The following MIOS variants were observed in gnomAD, a reference collection of about 807,000 sequenced individuals.
MIOS encodes the protein meiosis regulator for oocyte development, also known as GATOR2 complex protein MIOS.
Under a neutral mutation model 96.9 loss-of-function variants are expected in MIOS, and 52 were observed. The ratio of observed to expected loss-of-function variants is 0.54; its 90% CI spans 0.43 to 0.68. The LOEUF (loss-of-function observed/expected upper bound fraction) is 0.68, where lower values mean the gene tolerates loss of function less well. Among genes scored for constraint, MIOS ranks in the 30% least tolerant of loss-of-function variants. The pLI, the probability that MIOS is intolerant of heterozygous loss-of-function variation, is 0.00. For missense variants in MIOS, 1,005 were observed against 1,052.8 expected (o/e 0.95, Z 0.63); for synonymous variants, 397 against 359.5 (o/e 1.10, Z -1.18).
At chr7:7,582,395 A>C (rs1783759109) in intron 5 of MIOS, among the ~76,000 whole-genome samples, 1 of 152,200 alleles carries the variant, frequency 6.6e-6, no homozygotes, top group African/African-American at 2.4e-5. Context: ...ATTTGGCACT[A>C]AGTATCATCC....
At chr7:7,597,332 A>T (rs753261551) in intron 11 of MIOS, among the ~76,000 whole-genome samples, 59 of 2,966 alleles carry the variant, frequency 0.02, no homozygotes, top group Middle Eastern at 0.15. Context: ...TCCTAAATTT[A>T]AAAAAAAAAA....
chr7:7,581,798 C>T (rs542546639), intron 5 of MIOS: 1 of 152,326 alleles, frequency 6.6e-6, no homozygotes, highest in South Asian at 2.1e-4. Flanking sequence ...TCTCCTGCTG[C>T]TTCTCTCTTA....
chr7:7,602,557 G>C (rs983414363), intron 11 of MIOS, among the ~76,000 whole-genome samples: 2 of 152,102 alleles, frequency 1.3e-5, no homozygotes, highest in African/African-American at 4.8e-5. Context: ...ACAAACTACT[G>C]CTCAAGGAAA....
chr7:7,573,443 A>G lies in MIOS; in HGVS notation c.968A>G (p.Asn323Ser), dbSNP rs369681055. The change falls in exon 4 of 13, where the codon AAT (asparagine) becomes AGT (serine). Residue 323 changes from asparagine (N) to serine (S), a missense_variant. Around this residue, in one of 3 missense-constraint regions of MIOS, gnomAD observed 865 missense variants for 887.9 expected, o/e 0.97. Coordinates refer to ENST00000340080, the MANE Select transcript of MIOS (RefSeq NM_019005.4). This position sits in a 1 kb window ranked among gnomAD's most constrained non-coding sequence, Gnocchi z 5.0. Reference sequence around the variant, plus strand: ...GAAAGAAGTGTGCAACCTTGTGACAATTACATTGCTTCCTTTGCGTGGCAT... The same window carrying G: ...GAAAGAAGTGTGCAACCTTGTGACAGTTACATTGCTTCCTTTGCGTGGCAT... ...IIERSVQPCDNYIASFAWHPT... is the reference protein window; with the variant it reads ...IIERSVQPCDSYIASFAWHPT... The G allele has an allele frequency of 1.3e-5, 21 of 1,614,032 alleles. No individual in the cohort carries two copies. In the African/African-American group the frequency reaches 1.6e-4, roughly 12 times the overall value.
Position 7,593,299 on chromosome 7 carries a change from G to T in MIOS, c.2044-1681G>T, listed in dbSNP as rs559981165. Among the ~76,000 whole-genome samples, 299 of 152,162 alleles carry T rather than the reference G, an allele frequency of 2.0e-3. 3 individuals carry two copies. Among genetic ancestry groups the T allele is most frequent in the African/African-American group, 7.0e-3 (290 of 41,516 alleles). The stretch of plus-strand genomic sequence containing the variant: ...GCTATGTGTTTCACATGTTCTTTTA[G>T]CTAAATTTAACTCTGGTAATTAACA... On this transcript the variant is annotated intron_variant, in intron 9 of 12. Coordinates refer to ENST00000340080, the MANE Select transcript of MIOS (RefSeq NM_019005.4).
chr7:7,573,522 C>T lies in MIOS; in HGVS notation c.1047C>T (p.Asp349=). 6.2e-7 allele frequency: 1 copy of T among 1,614,100 alleles called. No homozygotes were observed. Among genetic ancestry groups the T allele is most frequent in the Non-Finnish European group, 8.5e-7 (1 of 1,179,962 alleles). ...IVVTPNRTMS[D]FTVFERISLA... ...TAACTCCCAACCGAACAATGTCAGA[C>T]TTCACTGTTTTTGAAAGGATATCTC... The change falls in exon 4 of 13, where the codon GAC becomes GAT. Residue 349 remains aspartate (D), a synonymous_variant. Transcript: ENST00000340080. This position sits in a 1 kb window ranked among gnomAD's most constrained non-coding sequence, Gnocchi z 5.0.
intron 11 of MIOS, among the ~76,000 whole-genome samples, chr7:7,603,222 A>C (rs1348532662): frequency 2.0e-5 from 3 of 151,778 alleles, no homozygotes; most frequent in Non-Finnish European, 4.4e-5. Context: ...AATGGGATCT[A>C]ATTAAACTAA....
rs1783437473 is a variant in MIOS at position 7,573,875 on chromosome 7, C to G, written c.1294+106C>G. 1.8e-6 allele frequency: 2 copies of G among 1,123,886 alleles called. No homozygotes were observed. The highest frequency in any genetic ancestry group is 3.1e-5 in the South Asian group (2 of 63,626). 69.6% of individuals were successfully genotyped at this position (1,123,886 alleles called of 1,614,324 possible). A position where few individuals can be genotyped will look rare whatever the true frequency, so the allele number is the denominator to read the frequency against. Reference sequence around the variant, plus strand: ...ATGCTCAATGTTTTATATACAAATACAAGTTACATAATACTAACATTATAA... The same window carrying G: ...ATGCTCAATGTTTTATATACAAATAGAAGTTACATAATACTAACATTATAA... On this transcript the variant is annotated intron_variant, in intron 4 of 12. Coordinates refer to ENST00000340080, the MANE Select transcript of MIOS (RefSeq NM_019005.4). The surrounding 1 kb of genome is among the most constrained non-coding windows in gnomAD (Gnocchi z 5.0).
At chr7:7,567,863 C>G (rs1783198894) in intron 2 of MIOS, among the ~76,000 whole-genome samples, 163 bp from the exon 3 acceptor site, 1 of 152,152 alleles carries the variant, frequency 6.6e-6, no homozygotes, top group Non-Finnish European at 1.5e-5. Flanking sequence ...CGTAAAAATC[C>G]TCAATAATTT....
chr7:7,595,113 G>C lies in MIOS; in HGVS notation c.2177G>C (p.Ser726Thr). The C allele has an allele frequency of 6.2e-7, 1 of 1,612,956 alleles. No homozygotes were observed. Among genetic ancestry groups the C allele is most frequent in the Non-Finnish European group, 8.5e-7 (1 of 1,179,694 alleles). The part of the protein sequence containing the change: ...FDIHRSKLDP[S>T]SKPLAQVFVS... ...ATTCACAGGAGTAAGTTGGATCCCA[G>C]TTCCAAGCCTTTAGCACAAGTAAGT... Residue 726 changes from serine to threonine, a missense_variant, in exon 10 of 13, where the codon AGT becomes ACT. Transcript: ENST00000340080.
chr7:7,572,529 T>C lies in MIOS; in HGVS notation c.54T>C (p.Phe18=), dbSNP rs369492224. ...GGGCACCACACCATGTTGATAGATT[T>C]GTTGTGTGTGACTCAGAACTAAGTC... The part of the protein sequence containing the change: ...ILWAPHHVDR[F]VVCDSELSLY... Residue 18 remains phenylalanine, a synonymous_variant, in exon 4 of 13, where the codon TTT becomes TTC. Coordinates refer to ENST00000340080, the MANE Select transcript of MIOS (RefSeq NM_019005.4). This position sits in a 1 kb window ranked among gnomAD's most constrained non-coding sequence, Gnocchi z 4.8. 1.1e-5 allele frequency: 17 copies of C among 1,613,996 alleles called. No individual in the cohort carries two copies. The highest frequency in any genetic ancestry group is 1.3e-5 in the Non-Finnish European group (15 of 1,180,000).
At chr7:7,578,902 G>T (rs1309967842) in intron 5 of MIOS, among the ~76,000 whole-genome samples, 2 of 152,028 alleles carry the variant, frequency 1.3e-5, no homozygotes, top group Admixed American at 1.3e-4. Flanking sequence ...GTAGAGACAG[G>T]GTTTTGCCAC....
chr7:7,573,883 A>G lies in MIOS; in HGVS notation c.1294+114A>G. 1.8e-6 allele frequency: 2 copies of G among 1,091,182 alleles called. No individual in the cohort carries two copies. Among genetic ancestry groups the G allele is most frequent in the Non-Finnish European group, 2.6e-6 (2 of 761,382 alleles). The allele number at this position is 1,091,182 out of a possible 1,614,324, so 67.6% of individuals were successfully genotyped here. On this transcript the variant is annotated intron_variant, in intron 4 of 12. Coordinates refer to ENST00000340080, the MANE Select transcript of MIOS (RefSeq NM_019005.4). This position sits in a 1 kb window ranked among gnomAD's most constrained non-coding sequence, Gnocchi z 5.0. ...TGTTTTATATACAAATACAAGTTAC[A>G]TAATACTAACATTATAAAGTAAAAT...
chr7:7,579,364 T>C (rs1157457119), intron 5 of MIOS, among the ~76,000 whole-genome samples: 1 of 152,222 alleles, frequency 6.6e-6, no homozygotes, highest in Non-Finnish European at 1.5e-5. Context: ...CTCCTAGCAG[T>C]GACCTCTTTG....
intron 11 of MIOS, among the ~76,000 whole-genome samples, chr7:7,603,392 C>G (rs375620092): frequency 2.0e-5 from 3 of 152,130 alleles, no homozygotes; most frequent in Admixed American, 6.5e-5. Context: ...CCATCAAAAA[C>G]TGGGCAAAGG....
chr7:7,605,542 G>A (rs781290662), intron 11 of MIOS: 1 of 157,550 alleles, frequency 6.3e-6, no homozygotes, highest in Non-Finnish European at 1.4e-5. Context: ...TGGTCTGCCC[G>A]CCTCAGCCTC....
chr7:7,589,526 C>G lies in MIOS; in HGVS notation c.2006C>G (p.Thr669Ser). 1.9e-6 allele frequency: 3 copies of G among 1,612,672 alleles called. No individual in the cohort carries two copies. The highest frequency in any genetic ancestry group is 2.5e-6 in the Non-Finnish European group (3 of 1,179,132). Reference protein sequence around the residue: ...VDLMESYVDRTGDVQTASYCM... With the variant: ...VDLMESYVDRSGDVQTASYCM... Reference sequence around the variant, plus strand: ...TTAATGGAGAGTTATGTTGATAGAACTGGAGATGTTCAAACAGCAAGTTAC... The same window carrying G: ...TTAATGGAGAGTTATGTTGATAGAAGTGGAGATGTTCAAACAGCAAGTTAC... The change falls in exon 9 of 13, where the codon ACT becomes AGT. Residue 669 changes from threonine to serine, a missense_variant. Physicochemically the swap from Thr to Ser is moderately conservative, Grantham distance 58. This residue lies in a region of MIOS where 865 missense variants were observed against 887.9 expected (regional missense o/e 0.97). Coordinates refer to ENST00000340080, the MANE Select transcript of MIOS (RefSeq NM_019005.4).
At position 7,607,049 on chromosome 7, in the gene MIOS, A is replaced by G; in HGVS notation, c.2585A>G (p.Asp862Gly). ...SACTCKCMQLDTTGNLVPAET... is the reference protein window; with the variant it reads ...SACTCKCMQLGTTGNLVPAET... The stretch of plus-strand genomic sequence containing the variant: ...TGCACGTGTAAATGTATGCAGTTGG[A>G]TACAACAGGGAATCTGGTACCTGCA... Residue 862 changes from aspartate (D) to glycine (G), a missense_variant, in exon 13 of 13, where the codon GAT (aspartate) becomes GGT (glycine). Transcript: ENST00000340080. The G allele has an allele frequency of 6.2e-7, 1 of 1,613,300 alleles. No homozygotes were observed. Among genetic ancestry groups the G allele is most frequent in the Non-Finnish European group, 8.5e-7 (1 of 1,179,502 alleles).
intron 12 of MIOS, 96 bp from the exon 13 acceptor site, chr7:7,606,900 A>G (rs1470585083): frequency 2.0e-6 from 2 of 981,976 alleles, no homozygotes; most frequent in East Asian, 5.4e-5. Context: ...AGCCTGGGAA[A>G]TATAGGGAGA....
Sources: allele counts gnomAD v4.1 joint callset (sites outside exome capture counted in the v4.1 genomes callset), GRCh38; gene constraint gnomAD v4.1.1; regional missense constraint gnomAD v4.1.1; non-coding constraint Gnocchi (gnomAD v3.1); transcripts MANE v1.5; gene names NCBI Gene and HGNC (gene_info 2026-07-23, HGNC 2026-07-21).